The following TTLL9 variants were observed in gnomAD, a reference collection of about 807,000 sequenced individuals.
TTLL9 encodes the protein tubulin tyrosine ligase like 9, also known as probable tubulin polyglutamylase TTLL9.
In TTLL9, 47 loss-of-function variants were observed where a neutral mutation model predicts 65.6. That is an observed-to-expected ratio of 0.72 (90% CI 0.57 to 0.91). The LOEUF (loss-of-function observed/expected upper bound fraction) is 0.91. TTLL9 is among the 40% of genes least tolerant of loss of function. TTLL9 has a pLI of 0.00. For synonymous variants in TTLL9, 179 were observed against 204.8 expected (o/e 0.87, Z 1.07); for missense variants, 537 against 568.8 (o/e 0.94, Z 0.57).
In TTLL9 at chr20:31,933,941, C is replaced by T. The variant is rs2064062290; in HGVS notation, c.807+83C>T. ...GGGGAGGGTGGAGTGGCAAGGAGCC[C>T]AGGACAGGCCTGTCTGAGCCTGTGT... On this transcript the variant is annotated intron_variant, in intron 11 of 14. Transcript: ENST00000535842. 5 of 1,400,618 alleles carry T rather than the reference C, an allele frequency of 3.6e-6. No homozygotes were observed. In the South Asian group the frequency reaches 6.8e-5, roughly 19 times the overall value. The allele number at this position is 1,400,618 out of a possible 1,614,324, so 86.8% of individuals were successfully genotyped here. A position where few individuals can be genotyped will look rare whatever the true frequency, so the allele number is the denominator to read the frequency against.
At chr20:31,886,333 G>T (rs559232662) in intron 2 of TTLL9, among the ~76,000 whole-genome samples, 1 of 152,186 alleles carries the variant, frequency 6.6e-6, no homozygotes, top group Non-Finnish European at 1.5e-5. Flanking sequence ...CTCTTCATAC[G>T]TGCCTTAGGA....
chr20:31,879,632 C>A, intron 2 of TTLL9: 1 of 560,062 alleles, frequency 1.8e-6, no homozygotes, highest in Non-Finnish European at 3.2e-6. Flanking sequence ...GAACGAACTG[C>A]CCCAGGGTCG....
chr20:31,926,112 C>G (rs373099893), intron 10 of TTLL9, 21 bp downstream of exon 10: 3 of 1,553,592 alleles, frequency 1.9e-6, no homozygotes, highest in Non-Finnish European at 2.7e-6. Context: ...GGTCTGGTCC[C>G]TTCCCTCCGG....
At chr20:31,940,023 TTTTA>T (rs1319356302) in intron 14 of TTLL9, 1 of 152,116 alleles carries the variant, frequency 6.6e-6, no homozygotes, top group Non-Finnish European at 1.5e-5. Context: ...CACAATTGCA[TTTTA>T]TTTTTTTTTT....
chr20:31,889,484 G>A (rs887152328), intron 3 of TTLL9, among the ~76,000 whole-genome samples: 24 of 148,250 alleles, frequency 1.6e-4, no homozygotes, highest in African/African-American at 4.2e-4. Context: ...GTGCAGTGGC[G>A]TGATCTCAGC....
intron 11 of TTLL9, 109 bp from the exon 12 acceptor site, chr20:31,934,583 C>T: frequency 9.3e-7 from 1 of 1,076,564 alleles, no homozygotes; most frequent in Non-Finnish European, 1.3e-6. Context: ...GGCTGGGCCC[C>T]TCTTGCCCAG....
chr20:31,923,133 G>A (rs1377184358), intron 8 of TTLL9, 80 bp downstream of exon 8: 1 of 1,125,170 alleles, frequency 8.9e-7, no homozygotes, highest in Non-Finnish European at 1.4e-6. Flanking sequence ...CCAGCAGCCT[G>A]CCAAGGGCCC....
chr20:31,942,935 T>C lies in TTLL9; in HGVS notation c.1244-10T>C, dbSNP rs2064239841. ...AGGTCATCCCAGCCAACACCCCACTTCCTTTCCAGGCTGCGTCAACGATCG... is the reference window on the plus strand; with the variant it reads ...AGGTCATCCCAGCCAACACCCCACTCCCTTTCCAGGCTGCGTCAACGATCG... On this transcript the variant is annotated splice_polypyrimidine_tract_variant and intron_variant, in intron 14 of 14. Coordinates refer to ENST00000535842, the MANE Select transcript of TTLL9 (RefSeq NM_001008409.5). 1 of 1,613,990 alleles carries C rather than the reference T, an allele frequency of 6.2e-7. No homozygotes were observed. Among genetic ancestry groups the C allele is most frequent in the East Asian group, 2.2e-5 (1 of 44,868 alleles).
At chr20:31,889,983 T>TTTCC (rs1398261125) in intron 3 of TTLL9, among the ~76,000 whole-genome samples, 4 of 95,500 alleles carry the variant, frequency 4.2e-5, no homozygotes, top group Admixed American at 2.1e-4. Flanking sequence ...TCTTTCTTTC[T>TTTCC]TTCTTTCTTT....
intron 4 of TTLL9, among the ~76,000 whole-genome samples, chr20:31,904,326 T>C (rs1239174616): frequency 6.6e-6 from 1 of 151,382 alleles, no homozygotes; most frequent in East Asian, 1.9e-4. Flanking sequence ...TTTCACACAA[T>C]GGTTCTAGCA....
At chr20:31,929,242 C>T (rs538684263) in intron 10 of TTLL9, among the ~76,000 whole-genome samples, 5 of 152,190 alleles carry the variant, frequency 3.3e-5, no homozygotes, top group East Asian at 1.9e-4. Context: ...AGAACCAGGT[C>T]AGGAAACATT....
Position 31,922,959 on chromosome 20 carries a change from C to A in TTLL9, c.574-4C>A. 1 of 1,607,106 alleles carries A rather than the reference C, an allele frequency of 6.2e-7. No homozygotes were observed. Among genetic ancestry groups the A allele is most frequent in the Non-Finnish European group, 8.5e-7 (1 of 1,173,840 alleles). On this transcript the variant is annotated splice_region_variant and splice_polypyrimidine_tract_variant and intron_variant, in intron 7 of 14. Transcript: ENST00000535842. ...TGTTCAATTATTATTATTATTACAA[C>A]TAGGACACAAGAAGCTCTGACGACC...
At chr20:31,885,522 A>G (rs750109357) in intron 2 of TTLL9, among the ~76,000 whole-genome samples, 37 of 152,232 alleles carry the variant, frequency 2.4e-4, no homozygotes, top group Non-Finnish European at 4.3e-4. Context: ...GATTAAAGAT[A>G]AAATACAAAA....
intron 4 of TTLL9, among the ~76,000 whole-genome samples, chr20:31,905,414 T>C (rs2063540062): frequency 6.6e-6 from 1 of 152,136 alleles, no homozygotes; most frequent in Admixed American, 6.5e-5. Context: ...CATCAGTTCT[T>C]GAAACCGTTC....
chr20:31,942,156 GCAGA>G (rs2064221516), intron 14 of TTLL9, among the ~76,000 whole-genome samples: 1 of 152,170 alleles, frequency 6.6e-6, no homozygotes, highest in African/African-American at 2.4e-5. Context: ...GTGGAAGATG[GCAGA>G]CACCCACAGG....
At chr20:31,890,465 G>A (rs1490686899) in intron 3 of TTLL9, among the ~76,000 whole-genome samples, 2 of 152,050 alleles carry the variant, frequency 1.3e-5, no homozygotes, top group East Asian at 3.9e-4. Flanking sequence ...GTTTCATTGT[G>A]TATCGCAAGT....
chr20:31,906,972 A>G (rs1034206901), intron 4 of TTLL9, among the ~76,000 whole-genome samples: 2 of 152,178 alleles, frequency 1.3e-5, no homozygotes, highest in Admixed American at 6.5e-5. Flanking sequence ...TAATAGGAAA[A>G]TGGATATACT....
At chr20:31,874,409 C>CTTTT (rs34362219) in intron 2 of TTLL9, among the ~76,000 whole-genome samples, 8 of 123,036 alleles carry the variant, frequency 6.5e-5, no homozygotes, top group Middle Eastern at 4.6e-3. Context: ...ATTAGCTGAT[C>CTTTT]TTTTTTTTTT....
In TTLL9 at chr20:31,890,146, CTTCCTTCCTTCT is replaced by C. The variant is rs1351631231; in HGVS notation, c.113+2911_113+2922del. 6.9e-3 allele frequency among the ~76,000 whole-genome samples: 130 copies of C among 18,884 alleles called. 1 individual carries two copies. Among genetic ancestry groups the C allele is most frequent in the African/African-American group, 0.024 (68 of 2,808 alleles). 12.4% of individuals were successfully genotyped at this position (18,884 alleles called of 152,430 possible). A position where few individuals can be genotyped will look rare whatever the true frequency, so the allele number is the denominator to read the frequency against. On this transcript the variant is annotated intron_variant, in intron 3 of 14. Coordinates refer to ENST00000535842, the MANE Select transcript of TTLL9 (RefSeq NM_001008409.5). Reference sequence around the variant, plus strand: ...CCTTCCTTCCTTCCTTCCTTCCTTCCTTCCTTCCTTCTTTCTTTCTTTCTTTCTTTCTTTCTT... The same window carrying C: ...CCTTCCTTCCTTCCTTCCTTCCTTCCTTCTTTCTTTCTTTCTTTCTTTCTT...
Sources: gnomAD v4.1 joint callset for allele counts (sites outside exome capture counted in the v4.1 genomes callset) on GRCh38, gnomAD v4.1.1 for gene constraint, MANE v1.5 for transcripts, NCBI Gene and HGNC (gene_info 2026-07-23, HGNC 2026-07-21) for gene names.